SULT4A1: variants seen among roughly 807,000 people sequenced by gnomAD.
The protein encoded by SULT4A1 is sulfotransferase family 4A member 1.
In SULT4A1, 11 loss-of-function variants were observed where a neutral mutation model predicts 35.2. The observed-to-expected ratio is 0.31, with a 90% confidence interval of 0.20 to 0.52. The LOEUF (loss-of-function observed/expected upper bound fraction) is 0.52. SULT4A1 is among the 20% of genes least tolerant of loss of function. The pLI, the probability that SULT4A1 is intolerant of heterozygous loss-of-function variation, is 0.97. For synonymous variants in SULT4A1, 152 were observed against 151.8 expected (o/e 1.00, Z -0.01); for missense variants, 271 against 383.7 (o/e 0.71, Z 2.45).
At position 43,824,898 on chromosome 22, in the gene SULT4A1, C is replaced by G. The variant is rs1449860458; in HGVS notation, c.*1103G>C. The stretch of plus-strand genomic sequence containing the variant: ...GGCCCCCGACTCTCCATCGCTTCAG[C>G]GAATGTGGGTGAGAAAATTAGGCAG... On this transcript the variant is annotated 3_prime_UTR_variant, in exon 7 of 7. Coordinates refer to ENST00000330884, the MANE Select transcript of SULT4A1 (RefSeq NM_014351.4). The G allele has an allele frequency of 1.3e-5, 2 of 152,050 alleles. No individual in the cohort carries two copies. The highest frequency in any genetic ancestry group is 2.9e-5 in the Non-Finnish European group (2 of 68,020). 9.4% of individuals were successfully genotyped at this position (152,050 alleles called of 1,614,324 possible).
At chr22:43,838,234 G>A (rs1304451811) in intron 4 of SULT4A1, among the ~76,000 whole-genome samples, 1 of 152,266 alleles carries the variant, frequency 6.6e-6, no homozygotes, top group Non-Finnish European at 1.5e-5. Context: ...CCTTCCTTGA[G>A]AGCAGGGCAG....
chr22:43,857,665 C>A (rs1258953519), intron 1 of SULT4A1, among the ~76,000 whole-genome samples: 1 of 152,040 alleles, frequency 6.6e-6, no homozygotes, highest in Non-Finnish European at 1.5e-5. Context: ...TGCTGAAAAT[C>A]AAAGACAAAG....
chr22:43,861,647 G>A (rs1569505583), intron 1 of SULT4A1, among the ~76,000 whole-genome samples: 1 of 152,228 alleles, frequency 6.6e-6, no homozygotes, highest in Non-Finnish European at 1.5e-5. Flanking sequence ...CCTCGGTGAT[G>A]GAGGCAGCCC....
rs112507030 is a variant in SULT4A1 at position 43,856,654 on chromosome 22, G to A, written c.169+5560C>T. Reference sequence around the variant, plus strand: ...AGACCTACGAGGAAGACCAAAAGGTGGAGGTGGAGCAGGAACACTGAGAAA... The same window carrying A: ...AGACCTACGAGGAAGACCAAAAGGTAGAGGTGGAGCAGGAACACTGAGAAA... On this transcript the variant is annotated intron_variant, in intron 1 of 6. Transcript: ENST00000330884. Among the ~76,000 whole-genome samples the A allele has an allele frequency of 3.7e-3, 562 of 152,336 alleles. 8 individuals are homozygous for A. The highest frequency in any genetic ancestry group is 0.013 in the African/African-American group (530 of 41,572).
intron 1 of SULT4A1, among the ~76,000 whole-genome samples, chr22:43,850,587 T>C (rs2063504295): frequency 6.6e-6 from 1 of 152,198 alleles, no homozygotes; most frequent in Non-Finnish European, 1.5e-5. Flanking sequence ...CTTGGGGACA[T>C]GCCCCTGTTC....
chr22:43,840,161 C>T (rs2063413602), intron 2 of SULT4A1, 136 bp from the exon 3 acceptor site: 8 of 465,044 alleles, frequency 1.7e-5, no homozygotes, highest in South Asian at 1.1e-4. Flanking sequence ...GAGGGAACGG[C>T]GGGTCTAGGG....
At position 43,825,923 on chromosome 22, in the gene SULT4A1, G is replaced by A; in HGVS notation, c.*78C>T. 1.4e-6 allele frequency: 2 copies of A among 1,385,598 alleles called. No individual in the cohort carries two copies. Among genetic ancestry groups the A allele is most frequent in the Non-Finnish European group, 1.0e-6 (1 of 990,116 alleles). The allele number at this position is 1,385,598 out of a possible 1,614,324, so 85.8% of individuals were successfully genotyped here. ...CTGCTTCCAGAGTTTGTCCAGCAAG[G>A]AATAAATGAATGCATACAGGACTTT... is the stretch of plus-strand genomic sequence containing the variant. On this transcript the variant is annotated 3_prime_UTR_variant, in exon 7 of 7. Transcript: ENST00000330884.
In SULT4A1 at chr22:43,854,326, G is replaced by T. The variant is rs140046161; in HGVS notation, c.169+7888C>A. Among the ~76,000 whole-genome samples, 317 of 152,308 alleles carry T rather than the reference G, an allele frequency of 2.1e-3. 2 individuals carry two copies. Among genetic ancestry groups the T allele is most frequent in the African/African-American group, 6.2e-3 (259 of 41,562 alleles). Reference sequence around the variant, plus strand: ...CGCCAAGAGAAGGCCATTGGCCCAGGCTAGGCTGCTAGTCCCAGGAAGAGA... The same window carrying T: ...CGCCAAGAGAAGGCCATTGGCCCAGTCTAGGCTGCTAGTCCCAGGAAGAGA... On this transcript the variant is annotated intron_variant, in intron 1 of 6. Transcript: ENST00000330884.
chr22:43,861,299 C>G (rs949992302), intron 1 of SULT4A1, among the ~76,000 whole-genome samples: 1 of 152,208 alleles, frequency 6.6e-6, no homozygotes, highest in Non-Finnish European at 1.5e-5. Context: ...ACCTTAGAGC[C>G]AGACACCTTC....
chr22:43,860,037 T>C (rs752452358), intron 1 of SULT4A1, among the ~76,000 whole-genome samples: 1 of 152,180 alleles, frequency 6.6e-6, no homozygotes, highest in Non-Finnish European at 1.5e-5. Flanking sequence ...CTAATTATCA[T>C]TGCCTTAGCC....
In SULT4A1 at chr22:43,829,239, C is replaced by T. The variant is rs372715868; in HGVS notation, c.604-41G>A. 33 of 1,475,702 alleles carry T rather than the reference C, an allele frequency of 2.2e-5. No homozygotes were observed. In the African/African-American group the frequency reaches 3.5e-4, roughly 16 times the overall value. 91.4% of individuals were successfully genotyped at this position (1,475,702 alleles called of 1,614,324 possible). On this transcript the variant is annotated intron_variant, in intron 5 of 6. Transcript: ENST00000330884. ...AGAGAGCAGAGCAGCCCATCAGAGG[C>T]GGGGCCTTTTACTGGACACGACCCC...
intron 4 of SULT4A1, among the ~76,000 whole-genome samples, chr22:43,837,882 G>A (rs980674400): frequency 5.3e-5 from 8 of 152,204 alleles, no homozygotes; most frequent in African/African-American, 1.4e-4. Context: ...CAGAGCCCCC[G>A]ATAAGCCACA....
At chr22:43,838,093 G>A (rs1235447407) in intron 4 of SULT4A1, among the ~76,000 whole-genome samples, 1 of 152,232 alleles carries the variant, frequency 6.6e-6, no homozygotes, top group African/African-American at 2.4e-5. Context: ...GCCATGGGGA[G>A]CCCCCTCAGG....
chr22:43,862,282 T>C lies in SULT4A1; in HGVS notation c.101A>G (p.Lys34Arg). The part of the protein sequence containing the change: ...GVRLPPFCRG[K>R]MEEIANFPVR... ...CGGGAAGTTGGCGATCTCCTCCATC[T>C]TCCCGCGGCAGAAGGGCGGCAGCCG... The change falls in exon 1 of 7, where the codon AAG (lysine) becomes AGG (arginine). Residue 34 changes from lysine to arginine, a missense_variant. Transcript: ENST00000330884. 6.4e-7 allele frequency: 1 copy of C among 1,570,084 alleles called. No homozygotes were observed. Among genetic ancestry groups the C allele is most frequent in the Non-Finnish European group, 8.6e-7 (1 of 1,157,062 alleles).
chr22:43,826,198 A>G, intron 6 of SULT4A1, 85 bp from the exon 7 acceptor site: 1 of 1,581,168 alleles, frequency 6.3e-7, no homozygotes, highest in South Asian at 1.2e-5. Context: ...ATGGATCTGG[A>G]ACATTCCAGA....
chr22:43,827,632 C>T (rs755352284), intron 6 of SULT4A1: 33 of 1,366,254 alleles, frequency 2.4e-5, no homozygotes, highest in Non-Finnish European at 2.6e-5. Flanking sequence ...CGAGCAAAGA[C>T]GCAATGTGCT....
chr22:43,829,361 T>C (rs1436514942), intron 5 of SULT4A1, among the ~76,000 whole-genome samples, 163 bp from the exon 6 acceptor site: 1 of 152,068 alleles, frequency 6.6e-6, no homozygotes, highest in African/African-American at 2.4e-5. Flanking sequence ...CACTAAGAGG[T>C]TAAGAAATCG....
At chr22:43,832,755 C>T (rs1281740371) in intron 5 of SULT4A1, among the ~76,000 whole-genome samples, 2 of 152,140 alleles carry the variant, frequency 1.3e-5, no homozygotes, top group African/African-American at 4.8e-5. Flanking sequence ...CCAGGTCTGG[C>T]GTCTTCCTGC....
At chr22:43,833,927 G>C (rs1033529648) in intron 4 of SULT4A1, among the ~76,000 whole-genome samples, 193 bp from the exon 5 acceptor site, 1 of 152,208 alleles carries the variant, frequency 6.6e-6, no homozygotes, top group Non-Finnish European at 1.5e-5. Context: ...TCCCGCCTTC[G>C]GCACGCCTTG....
Sources: gnomAD v4.1 joint callset for allele counts (sites outside exome capture counted in the v4.1 genomes callset) on GRCh38, gnomAD v4.1.1 for gene constraint, MANE v1.5 for transcripts, NCBI Gene and HGNC (gene_info 2026-07-23, HGNC 2026-07-21) for gene names.